The following CIAO2A variants were observed in gnomAD, a reference collection of about 807,000 sequenced individuals.
CIAO2A encodes the protein cytosolic iron-sulfur assembly component 2A.
Under a neutral mutation model 22.4 loss-of-function variants are expected in CIAO2A, and 17 were observed. The observed-to-expected ratio is 0.76, with a 90% CI of 0.52 to 1.14. CIAO2A has a LOEUF of 1.14. Ranked by LOEUF, CIAO2A falls within the 50% of genes most tolerant of loss-of-function variation. The pLI is 0.00. For synonymous variants in CIAO2A, 74 were observed against 72.3 expected (o/e 1.02, Z -0.12); for missense variants, 192 against 191.4 (o/e 1.00, Z -0.02).
chr15:64,083,033 C>G (rs2080768579), intron 2 of CIAO2A, among the ~76,000 whole-genome samples: 1 of 150,652 alleles, frequency 6.6e-6, no homozygotes, highest in Non-Finnish European at 1.5e-5. Flanking sequence ...AAGACCCCAT[C>G]TCTAAAAGTA....
rs546384002 is a variant in CIAO2A, at chr15:64,092,750, T to C, written c.124+895A>G. On this transcript the variant is annotated intron_variant, in intron 1 of 4. Transcript: ENST00000300030. ...GTATTTCCTAACCCTGGCTTCCTTC[T>C]ACTGGCCTATAATCCTTACTTGAAT... Among the ~76,000 whole-genome samples the C allele has an allele frequency of 2.6e-5, 4 of 152,380 alleles. No individual in the cohort carries two copies. In the East Asian group the frequency reaches 7.7e-4, roughly 29 times the overall value.
At chr15:64,080,104 C>G (rs998404966) in intron 3 of CIAO2A, among the ~76,000 whole-genome samples, 1 of 152,098 alleles carries the variant, frequency 6.6e-6, no homozygotes, top group Non-Finnish European at 1.5e-5. Context: ...ACCACCATGA[C>G]AGCAGGGTGC....
At chr15:64,089,467 G>A (rs1235069358) in intron 1 of CIAO2A, among the ~76,000 whole-genome samples, 1 of 149,618 alleles carries the variant, frequency 6.7e-6, no homozygotes, top group Admixed American at 6.7e-5. Context: ...AGCGGAGATC[G>A]TGTCACCGCA....
chr15:64,079,711 T>C (rs188948625), intron 3 of CIAO2A, among the ~76,000 whole-genome samples: 223 of 152,326 alleles, frequency 1.5e-3, no homozygotes, highest in African/African-American at 5.0e-3. Flanking sequence ...CCAATTACTA[T>C]GAATTAACTG....
rs756598125 is a variant in CIAO2A, at chr15:64,081,124, C to G, written c.317G>C (p.Arg106Pro). ...TACCTTATGTTTAAATGGTAAACAT[C>G]GCTGAAGTTTTACTCTTAAGCACAG... ...IGLCLRVKLQRCLPFKHKLEI... is the reference protein window; with the variant it reads ...IGLCLRVKLQPCLPFKHKLEI... The change falls in exon 3 of 5, where the codon CGA becomes CCA. Residue 106 changes from arginine (R) to proline (P), a missense_variant. Coordinates refer to ENST00000300030, the MANE Select transcript of CIAO2A (RefSeq NM_032231.7). 2 of 1,613,398 alleles carry G rather than the reference C, an allele frequency of 1.2e-6. No individual in the cohort carries two copies. The highest frequency in any genetic ancestry group is 2.2e-5 in the South Asian group (2 of 90,916).
chr15:64,073,417 T>C (rs1033156053), intron 4 of CIAO2A, among the ~76,000 whole-genome samples: 5 of 152,226 alleles, frequency 3.3e-5, no homozygotes, highest in Admixed American at 1.3e-4. Context: ...CTACAATGAA[T>C]ACCTTTAAAC....
chr15:64,089,869 A>G (rs1292682254), intron 1 of CIAO2A, among the ~76,000 whole-genome samples: 1 of 152,234 alleles, frequency 6.6e-6, no homozygotes, highest in East Asian at 1.9e-4. Flanking sequence ...AATGAGTTCA[A>G]TTTCACACAG....
chr15:64,087,653 A>G (rs1482218748), intron 2 of CIAO2A, among the ~76,000 whole-genome samples: 1 of 152,264 alleles, frequency 6.6e-6, no homozygotes, highest in South Asian at 2.1e-4. Context: ...GAGAAAAGAC[A>G]GAAATCACAA....
At chr15:64,081,918 G>C (rs149267717) in intron 2 of CIAO2A, among the ~76,000 whole-genome samples, 148 of 152,244 alleles carry the variant, frequency 9.7e-4, no homozygotes, top group African/African-American at 3.3e-3. Flanking sequence ...CATTTTAAAA[G>C]GGCCACATAA....
At chr15:64,088,875 T>C (rs2080818335) in intron 1 of CIAO2A, 24 bp from the exon 2 acceptor site, 1 of 1,590,992 alleles carries the variant, frequency 6.3e-7, no homozygotes, top group South Asian at 1.2e-5. Flanking sequence ...AGAGATAAGA[T>C]ATTCTATTAA....
At chr15:64,085,495 C>G (rs1174837978) in intron 2 of CIAO2A, among the ~76,000 whole-genome samples, 2 of 152,062 alleles carry the variant, frequency 1.3e-5, no homozygotes, top group Admixed American at 6.6e-5. Context: ...GAGTGAGACC[C>G]TGTCTCAACA....
chr15:64,088,964 A>T, intron 1 of CIAO2A, 113 bp from the exon 2 acceptor site: 1 of 909,938 alleles, frequency 1.1e-6, no homozygotes, highest in Non-Finnish European at 1.6e-6. Context: ...AGCAAATAGT[A>T]CAGCAACTCC....
intron 3 of CIAO2A, among the ~76,000 whole-genome samples, chr15:64,077,969 C>A (rs560687336): frequency 6.6e-6 from 1 of 152,126 alleles, no homozygotes; most frequent in African/African-American, 2.4e-5. Context: ...ATTACAAATG[C>A]ACTCAAACAT....
intron 1 of CIAO2A, among the ~76,000 whole-genome samples, 193 bp downstream of exon 1, chr15:64,093,452 C>T (rs542477144): frequency 6.6e-6 from 1 of 151,990 alleles, no homozygotes; most frequent in African/African-American, 2.4e-5. Flanking sequence ...AAGACCCACA[C>T]CCCCCACGTG....
chr15:64,088,583 C>G (rs1218469686), intron 2 of CIAO2A, 104 bp downstream of exon 2: 10 of 897,474 alleles, frequency 1.1e-5, no homozygotes, highest in African/African-American at 1.7e-5. Context: ...AATACATACA[C>G]TGTATGGTTT....
chr15:64,086,944 T>C (rs2080801589), intron 2 of CIAO2A, among the ~76,000 whole-genome samples: 1 of 144,470 alleles, frequency 6.9e-6, no homozygotes, highest in African/African-American at 2.6e-5. Flanking sequence ...AAGTTTTTGC[T>C]CTTGTTGCCC....
At chr15:64,075,465 T>C (rs758209295) in intron 4 of CIAO2A, 27 bp downstream of exon 4, 22 of 1,480,986 alleles carry the variant, frequency 1.5e-5, no homozygotes, top group Non-Finnish European at 1.8e-5. Flanking sequence ...GAAGTTGTTT[T>C]TCAATTATGT....
intron 3 of CIAO2A, 31 bp downstream of exon 3, chr15:64,081,065 TACAACA>T (rs368559610): frequency 1.3e-6 from 2 of 1,595,708 alleles, no homozygotes; most frequent in South Asian, 2.2e-5. Flanking sequence ...AAAGCTGTTT[TACAACA>T]ACAACAACAA....
chr15:64,084,015 A>C (rs2080775653), intron 2 of CIAO2A, among the ~76,000 whole-genome samples: 1 of 152,140 alleles, frequency 6.6e-6, no homozygotes. Flanking sequence ...ATGCATAACG[A>C]AAGGGCTAAG....
Sources: allele counts gnomAD v4.1 joint callset (sites outside exome capture counted in the v4.1 genomes callset), GRCh38; gene constraint gnomAD v4.1.1; transcripts MANE v1.5; gene names NCBI Gene and HGNC (gene_info 2026-07-23, HGNC 2026-07-21).